The following DAGLB variants were observed in gnomAD, a reference collection of about 807,000 sequenced individuals.
DAGLB encodes the protein diacylglycerol lipase beta.
In DAGLB, 66 loss-of-function variants were observed where a neutral mutation model predicts 72.1. That is an observed-to-expected ratio of 0.92 (90% CI 0.75 to 1.12). The LOEUF (loss-of-function observed/expected upper bound fraction) is 1.12. Among genes scored for constraint, DAGLB ranks in the 50% most tolerant of loss-of-function variants. DAGLB has a pLI of 0.00. For synonymous variants in DAGLB, 414 were observed against 359.5 expected (o/e 1.15, Z -1.71); for missense variants, 1,065 against 884.9 (o/e 1.20, Z -2.58).
chr7:6,430,252 T>G (rs1162193244), intron 6 of DAGLB, among the ~76,000 whole-genome samples: 1 of 57,736 alleles, frequency 1.7e-5, no homozygotes, highest in South Asian at 7.5e-4. Flanking sequence ...TACATGTGCA[T>G]ATATATATAT....
In DAGLB at chr7:6,447,901, A is replaced by T; in HGVS notation, c.-59T>A. On this transcript the variant is annotated 5_prime_UTR_variant, in exon 1 of 15. In the 5' UTR this introduces an upstream ATG that the reference lacks. Transcript: ENST00000297056. ...CCCCGCGCGCCGTTCACCGAGAACA[A>T]ACCAGCACCCTCCGGACGCCGCCAC... 1 of 1,516,024 alleles carries T rather than the reference A, an allele frequency of 6.6e-7. No homozygotes were observed. The allele number at this position is 1,516,024 out of a possible 1,614,324, so 93.9% of individuals were successfully genotyped here. A position where few individuals can be genotyped will look rare whatever the true frequency, so the allele number is the denominator to read the frequency against.
chr7:6,425,844 G>C (rs1784294153), intron 7 of DAGLB, 144 bp downstream of exon 7: 1 of 1,355,556 alleles, frequency 7.4e-7, no homozygotes, highest in Non-Finnish European at 9.8e-7. Flanking sequence ...AGAGTCTGTG[G>C]CCCCTCTGAA....
At chr7:6,429,251 C>T (rs754709378) in intron 6 of DAGLB, among the ~76,000 whole-genome samples, 2 of 151,958 alleles carry the variant, frequency 1.3e-5, no homozygotes, top group Admixed American at 6.6e-5. Flanking sequence ...GGACCATTCC[C>T]GCCAAAAATG....
At chr7:6,442,869 A>G (rs978895763) in intron 2 of DAGLB, among the ~76,000 whole-genome samples, 2 of 152,058 alleles carry the variant, frequency 1.3e-5, no homozygotes, top group African/African-American at 4.8e-5. Context: ...CCTGGCCAAC[A>G]TGGTTCAACT....
At chr7:6,423,899 G>C (rs528104808) in intron 8 of DAGLB, among the ~76,000 whole-genome samples, 2 of 152,276 alleles carry the variant, frequency 1.3e-5, no homozygotes, top group South Asian at 4.1e-4. Flanking sequence ...ATGGGGGGAC[G>C]ATGGCAGAGC....
chr7:6,415,860 A>G (rs1426715096), intron 11 of DAGLB, among the ~76,000 whole-genome samples: 3 of 151,692 alleles, frequency 2.0e-5, no homozygotes, highest in African/African-American at 7.3e-5. Flanking sequence ...AAAAAAAAAA[A>G]GTAATTTTCA....
rs140707721 is a variant in DAGLB, at chr7:6,409,896, C to G, written c.1960G>C (p.Asp654His). Residue 654 changes from aspartate (D) to histidine (H), a missense_variant, in exon 15 of 15, where the codon GAC becomes CAC. Asp to His is a moderately conservative substitution (Grantham distance 81). Transcript: ENST00000297056. ...GGACAGGAGACGCAGGCCGCTCTGT[C>G]GGAGACCACGCTGTCCAAGGCCCGC... ...LMRALDSVVS[D>H]RAACVSCPAQ... is the part of the protein sequence containing the mutation. 1.2e-6 allele frequency: 2 copies of G among 1,614,108 alleles called. No homozygotes were observed. The highest frequency in any genetic ancestry group is 2.2e-5 in the South Asian group (2 of 91,084).
chr7:6,418,688 A>G (rs836511), intron 9 of DAGLB, among the ~76,000 whole-genome samples: 59,556 of 150,490 alleles, frequency 0.4, 15,730 homozygotes, highest in African/African-American at 0.73. Flanking sequence ...TTTTTGAGAC[A>G]GAGTCTCGCT....
At position 6,409,725 on chromosome 7, in the gene DAGLB, C is replaced by G. The variant is rs1003263146; in HGVS notation, c.*112G>C. 8.2e-7 allele frequency: 1 copy of G among 1,221,732 alleles called. No homozygotes were observed. Among genetic ancestry groups the G allele is most frequent in the African/African-American group, 1.5e-5 (1 of 66,000 alleles). The allele number at this position is 1,221,732 out of a possible 1,614,324, so 75.7% of individuals were successfully genotyped here. ...ATGGAATTCTGTTCCCATCCGATTC[C>G]TGTTGATGGACATTCGCTGTTTTGG... On this transcript the variant is annotated 3_prime_UTR_variant, in exon 15 of 15. Coordinates refer to ENST00000297056, the MANE Select transcript of DAGLB (RefSeq NM_139179.4).
chr7:6,420,797 T>C (rs1231798298), intron 9 of DAGLB, among the ~76,000 whole-genome samples: 1 of 152,178 alleles, frequency 6.6e-6, no homozygotes. Flanking sequence ...TTTTCATTCC[T>C]TCGGGAGGAG....
intron 2 of DAGLB, among the ~76,000 whole-genome samples, chr7:6,437,614 A>G (rs1784706318): frequency 1.3e-5 from 2 of 151,806 alleles, no homozygotes; most frequent in Admixed American, 1.3e-4. Context: ...ATAGTCCCAT[A>G]GACAGTTGTT....
intron 4 of DAGLB, among the ~76,000 whole-genome samples, chr7:6,433,330 C>T (rs180914433): frequency 8.5e-5 from 13 of 152,262 alleles, no homozygotes; most frequent in Admixed American, 8.5e-4. Flanking sequence ...ACTCTCATTT[C>T]TCAAGATGCT....
rs765121208 is a variant in DAGLB at position 6,430,475 on chromosome 7, C to T, written c.929+5G>A. The T allele has an allele frequency of 6.5e-7, 1 of 1,530,250 alleles. No homozygotes were observed. Among genetic ancestry groups the T allele is most frequent in the Non-Finnish European group, 8.8e-7 (1 of 1,131,324 alleles). 94.8% of individuals were successfully genotyped at this position (1,530,250 alleles called of 1,614,324 possible). A position where few individuals can be genotyped will look rare whatever the true frequency, so the allele number is the denominator to read the frequency against. On this transcript the variant is annotated splice_donor_5th_base_variant and intron_variant, in intron 6 of 14. Transcript: ENST00000297056. ...GCTATGGAGGCTCAGACTGTGCCAACCCACCAGTCACCACCAATCCTGCAC... is the reference window on the plus strand; with the variant it reads ...GCTATGGAGGCTCAGACTGTGCCAATCCACCAGTCACCACCAATCCTGCAC...
chr7:6,432,609 G>A (rs1199302263), intron 5 of DAGLB, among the ~76,000 whole-genome samples: 3 of 148,276 alleles, frequency 2.0e-5, no homozygotes, highest in Admixed American at 6.8e-5. Flanking sequence ...GCAGTAAGCC[G>A]CGATTGTGCC....
chr7:6,420,562 C>T (rs886129863), intron 9 of DAGLB, among the ~76,000 whole-genome samples: 1 of 152,052 alleles, frequency 6.6e-6, no homozygotes, highest in African/African-American at 2.4e-5. Context: ...TTCCCAGAGG[C>T]CGTGGAAGGG....
chr7:6,434,725 C>G, intron 4 of DAGLB, 37 bp downstream of exon 4: 1 of 1,608,766 alleles, frequency 6.2e-7, no homozygotes, highest in African/African-American at 1.3e-5. Context: ...TTTACTGAAA[C>G]AGAAGAAACA....
chr7:6,410,135 C>A lies in DAGLB; in HGVS notation c.1815G>T (p.Ser605=). Residue 605 remains serine, a synonymous_variant, in exon 14 of 15, where the codon TCG becomes TCT. Transcript: ENST00000297056. ...ACCCACCACGCCGCACTCACCGCCC[C>A]GAGGCGCCCTCCTCCTGCAGGTGGA... ...RIIHLQEEGA[S]GRFGCCSAAH... 1.3e-6 allele frequency: 2 copies of A among 1,572,224 alleles called. No homozygotes were observed. Among genetic ancestry groups the A allele is most frequent in the Non-Finnish European group, 8.6e-7 (1 of 1,156,108 alleles).
intron 2 of DAGLB, among the ~76,000 whole-genome samples, chr7:6,445,453 T>G (rs1784968361): frequency 6.6e-6 from 1 of 152,118 alleles, no homozygotes; most frequent in Admixed American, 6.6e-5. Context: ...AATTAGTGAA[T>G]GCTTAGGGTT....
At chr7:6,433,538 C>T (rs1215065164) in intron 4 of DAGLB, among the ~76,000 whole-genome samples, 4 of 152,054 alleles carry the variant, frequency 2.6e-5, no homozygotes, top group African/African-American at 7.2e-5. Flanking sequence ...ACTTGTAGCC[C>T]GTAAGAATGG....
Sources: gnomAD v4.1 joint callset for allele counts (sites outside exome capture counted in the v4.1 genomes callset) on GRCh38, gnomAD v4.1.1 for gene constraint, MANE v1.5 for transcripts, NCBI Gene and HGNC (gene_info 2026-07-23, HGNC 2026-07-21) for gene names.